REEP3: variants seen among roughly 807,000 people sequenced by gnomAD.
REEP3 encodes receptor expression-enhancing protein 3.
Under a neutral mutation model 41.3 loss-of-function variants are expected in REEP3, and 20 were observed. The ratio of observed to expected loss-of-function variants is 0.48; its 90% CI spans 0.34 to 0.70. REEP3 has a LOEUF of 0.70. REEP3 is among the 30% of genes least tolerant of loss of function. REEP3 has a pLI of 0.01. For synonymous variants in REEP3, 104 were observed against 101.8 expected, an observed-to-expected ratio of 1.02 and a Z score of -0.13; for missense variants, 271 against 308.8, an observed-to-expected ratio of 0.88 and a Z score of 0.92.
At chr10:63,567,996 C>A (rs1300386658) in intron 2 of REEP3, among the ~76,000 whole-genome samples, 1 of 151,938 alleles carries the variant, frequency 6.6e-6, no homozygotes, top group African/African-American at 2.4e-5. Flanking sequence ...TTTTTCTATC[C>A]TTTTATTATA....
chr10:63,586,237 A>G (rs1409221668), intron 2 of REEP3, among the ~76,000 whole-genome samples: 1 of 152,228 alleles, frequency 6.6e-6, no homozygotes, highest in Non-Finnish European at 1.5e-5. Context: ...GATTTCTGAA[A>G]TGCTAAGTCT....
chr10:63,606,112 A>G (rs1956222777), intron 5 of REEP3: 2 of 962,368 alleles, frequency 2.1e-6, no homozygotes, highest in Non-Finnish European at 2.5e-6. Flanking sequence ...GTTAGGATCA[A>G]TTTTAACATA....
chr10:63,541,867 A>G (rs1955531315), intron 1 of REEP3, among the ~76,000 whole-genome samples: 3 of 152,300 alleles, frequency 2.0e-5, no homozygotes, highest in Middle Eastern at 3.4e-3. Context: ...CTTCCAGCCA[A>G]CTTTGAAATT....
At chr10:63,585,511 A>G (rs567875750) in intron 2 of REEP3, among the ~76,000 whole-genome samples, 3 of 152,294 alleles carry the variant, frequency 2.0e-5, no homozygotes, top group South Asian at 2.1e-4. Context: ...TTATCCTTCT[A>G]TGTTATACTA....
intron 2 of REEP3, among the ~76,000 whole-genome samples, chr10:63,587,971 C>A (rs2133395821): frequency 6.6e-6 from 1 of 152,342 alleles, no homozygotes; most frequent in African/African-American, 2.4e-5. Flanking sequence ...ATAGCCCTTG[C>A]ACCAGCACCC....
intron 2 of REEP3, among the ~76,000 whole-genome samples, chr10:63,573,163 T>C (rs971058128): frequency 6.6e-6 from 1 of 152,222 alleles, no homozygotes; most frequent in Non-Finnish European, 1.5e-5. Flanking sequence ...GATGCTGTGC[T>C]CAAATCAAAA....
At chr10:63,594,960 TA>T in intron 3 of REEP3, 106 bp downstream of exon 3, 1 of 751,610 alleles carries the variant, frequency 1.3e-6, no homozygotes, top group Middle Eastern at 2.3e-4. Flanking sequence ...TCAGGTTACC[TA>T]ATTATCCACC....
rs1364342120 is a variant in REEP3, at chr10:63,623,857, T to TTGA, written c.*2991_*2993dup. The TTGA allele has an allele frequency of 1.3e-5, 2 of 153,958 alleles. No individual in the cohort carries two copies. The highest frequency in any genetic ancestry group is 2.9e-5 in the Non-Finnish European group (2 of 68,148). 9.5% of individuals were successfully genotyped at this position (153,958 alleles called of 1,614,324 possible). A position where few individuals can be genotyped will look rare whatever the true frequency, so the allele number is the denominator to read the frequency against. On this transcript the variant is annotated 3_prime_UTR_variant, in exon 8 of 8. Transcript: ENST00000373758. ...GATTATAAATACTTGACTACACTGA[T>TTGA]TGATGGGACAAAATGATTAAAGTAT...
intron 1 of REEP3, among the ~76,000 whole-genome samples, chr10:63,526,716 T>C (rs561386291): frequency 6.6e-6 from 1 of 152,286 alleles, no homozygotes; most frequent in South Asian, 2.1e-4. Flanking sequence ...GTATATACTT[T>C]GCCCATTTAT....
chr10:63,623,336 G>T lies in REEP3; in HGVS notation c.*2467G>T, dbSNP rs1355990914. On this transcript the variant is annotated 3_prime_UTR_variant, in exon 8 of 8. Transcript: ENST00000373758. Reference sequence around the variant, plus strand: ...TCTTTGAACTTTGTCTAATTAGCCTGTACATTTTTGTTTCTTTTAAGGTAG... The same window carrying T: ...TCTTTGAACTTTGTCTAATTAGCCTTTACATTTTTGTTTCTTTTAAGGTAG... 1.3e-5 allele frequency: 2 copies of T among 152,026 alleles called. No individual in the cohort carries two copies. The highest frequency in any genetic ancestry group is 4.8e-5 in the African/African-American group (2 of 41,384). The allele number at this position is 152,026 out of a possible 1,614,324, so 9.4% of individuals were successfully genotyped here.
At chr10:63,562,399 A>G (rs1955749370) in intron 1 of REEP3, among the ~76,000 whole-genome samples, 2 of 152,000 alleles carry the variant, frequency 1.3e-5, no homozygotes, top group Admixed American at 1.3e-4. Context: ...CTGGGATTAC[A>G]GGCATGCATC....
intron 1 of REEP3, among the ~76,000 whole-genome samples, chr10:63,554,253 G>A (rs1431042967): frequency 2.0e-5 from 3 of 152,144 alleles, no homozygotes; most frequent in Admixed American, 2.0e-4. Context: ...TCAGGAATCA[G>A]GAATTGGTCA....
At chr10:63,532,255 C>G (rs1303812496) in intron 1 of REEP3, among the ~76,000 whole-genome samples, 1 of 152,082 alleles carries the variant, frequency 6.6e-6, no homozygotes, top group African/African-American at 2.4e-5. Flanking sequence ...CAAATCTAAA[C>G]AAAATAGGTT....
intron 2 of REEP3, among the ~76,000 whole-genome samples, chr10:63,568,844 A>G (rs1589870528): frequency 1.3e-5 from 2 of 151,068 alleles, no homozygotes; most frequent in Admixed American, 1.3e-4. Flanking sequence ...ATTATTTTTT[A>G]TAGAGACAGA....
At chr10:63,601,835 C>A (rs898286927) in intron 5 of REEP3, among the ~76,000 whole-genome samples, 1 of 152,034 alleles carries the variant, frequency 6.6e-6, no homozygotes, top group African/African-American at 2.4e-5. Context: ...ACAGGAGAAT[C>A]GCTTGAACCT....
chr10:63,617,812 C>G lies in REEP3; in HGVS notation c.566-1843C>G, dbSNP rs111838385. Among the ~76,000 whole-genome samples, 16 of 83,502 alleles carry G rather than the reference C, an allele frequency of 1.9e-4. No individual in the cohort carries two copies. The Admixed American group carries it at 2.4e-3, about 12-fold the overall frequency. 54.8% of individuals were successfully genotyped at this position (83,502 alleles called of 152,430 possible). ...TCCTAAGCCTGGAAATCCTTCTACT[C>G]TTTTTTTTTTTTTTTTTTTTTTTTT... On this transcript the variant is annotated intron_variant, in intron 6 of 7. Coordinates refer to ENST00000373758, the MANE Select transcript of REEP3 (RefSeq NM_001001330.3).
chr10:63,568,974 T>TA (rs1309500032), intron 2 of REEP3, among the ~76,000 whole-genome samples: 1 of 152,178 alleles, frequency 6.6e-6, no homozygotes, highest in African/African-American at 2.4e-5. Flanking sequence ...CCAAATTTTT[T>TA]ATTGCTATAT....
intron 1 of REEP3, among the ~76,000 whole-genome samples, chr10:63,545,594 C>T (rs1955569963): frequency 6.6e-6 from 1 of 151,258 alleles, no homozygotes; most frequent in Non-Finnish European, 1.5e-5. Context: ...AGGATGGTCT[C>T]GATCTCTTGA....
In REEP3 at chr10:63,557,786, CAAAG is replaced by C. The variant is rs1424428931; in HGVS notation, c.33-8548_33-8545del. Among the ~76,000 whole-genome samples the C allele has an allele frequency of 2.6e-5, 4 of 152,064 alleles. No individual in the cohort carries two copies. The East Asian group carries it at 7.7e-4, about 29-fold the overall frequency. ...AGAATTGAGACTAGAAAATAGCAAT[CAAAG>C]AAAATAAAAATTTGGTGAGTACAAA... On this transcript the variant is annotated intron_variant, in intron 1 of 7. Transcript: ENST00000373758.
Sources: gnomAD v4.1 joint callset for allele counts (sites outside exome capture counted in the v4.1 genomes callset) on GRCh38, gnomAD v4.1.1 for gene constraint, MANE v1.5 for transcripts, NCBI Gene and HGNC (gene_info 2026-07-23, HGNC 2026-07-21) for gene names.